Variants in ARHGAP8 observed in about 807,000 individuals in gnomAD.
The protein encoded by ARHGAP8 is rho GTPase-activating protein 8.
A neutral mutation model predicts 46.1 loss-of-function variants in ARHGAP8; 62 were observed. The observed-to-expected ratio is 1.34, with a 90% CI of 1.10 to 1.66. The LOEUF is 1.66. ARHGAP8 is among the 40% of genes most tolerant of loss of function. The pLI is 0.00. For synonymous variants in ARHGAP8, 375 were observed against 243.1 expected, an observed-to-expected ratio of 1.54 and a Z score of -5.05; for missense variants, 923 against 568.4, an observed-to-expected ratio of 1.62 and a Z score of -6.34.
Position 44,848,956 on chromosome 22 carries a change from A to G in ARHGAP8, c.773A>G (p.Tyr258Cys). ...GGGAAGCCCGTGAACTTTGACGACT[A>G]CGGGGACATTCACATCCCTGCCGTG... is the stretch of plus-strand genomic sequence containing the variant. Reference protein sequence around the residue: ...NQGKPVNFDDYGDIHIPAVIL... With the variant: ...NQGKPVNFDDCGDIHIPAVIL... Residue 258 changes from tyrosine (Y) to cysteine (C), a missense_variant, in exon 10 of 12, where the codon TAC becomes TGC. Coordinates refer to ENST00000356099, the MANE Select transcript of ARHGAP8 (RefSeq NM_181335.3). 1 of 1,614,074 alleles carries G rather than the reference A, an allele frequency of 6.2e-7. No homozygotes were observed. Among genetic ancestry groups the G allele is most frequent in the South Asian group, 1.1e-5 (1 of 91,078 alleles).
chr22:44,841,149 G>C (rs139419492), intron 7 of ARHGAP8, among the ~76,000 whole-genome samples: 1 of 152,224 alleles, frequency 6.6e-6, no homozygotes, highest in African/African-American at 2.4e-5. Context: ...GGGAACGGGG[G>C]AGGGAAGATG....
intron 4 of ARHGAP8, among the ~76,000 whole-genome samples, chr22:44,812,646 C>T (rs114850974): frequency 0.021 from 3,140 of 152,190 alleles, 108 homozygotes; most frequent in African/African-American, 0.072. Context: ...TGAGCCACCG[C>T]GCCCTGCCTC....
intron 10 of ARHGAP8, chr22:44,849,404 A>C: frequency 3.3e-6 from 1 of 306,682 alleles, no homozygotes; most frequent in Non-Finnish European, 6.2e-6. Context: ...CAGGCCCCAG[A>C]CCCTCAGCTC....
rs1929068870 is a variant in ARHGAP8 at position 44,808,222 on chromosome 22, C to T, written c.168-85C>T. On this transcript the variant is annotated intron_variant, in intron 3 of 11. Transcript: ENST00000356099. The stretch of plus-strand genomic sequence containing the variant: ...CCGGTGCTGGCACCTACTGGGTGAC[C>T]ATAGCTTCCATTATAGGGAAAGCAC... 4 of 1,547,156 alleles carry T rather than the reference C, an allele frequency of 2.6e-6. No individual in the cohort carries two copies. In the South Asian group the frequency reaches 5.0e-5, roughly 19 times the overall value.
In ARHGAP8 at chr22:44,843,305, A is replaced by G. The variant is rs899136891; in HGVS notation, c.597-1964A>G. On this transcript the variant is annotated intron_variant, in intron 7 of 11. Coordinates refer to ENST00000356099, the MANE Select transcript of ARHGAP8 (RefSeq NM_181335.3). The stretch of plus-strand genomic sequence containing the variant: ...AATGTATTTTCAGCAGAACTACACT[A>G]TAAGAAATGTTAAGGGAAGCTCTGC... Among the ~76,000 whole-genome samples, 8 of 152,354 alleles carry G rather than the reference A, an allele frequency of 5.3e-5. No homozygotes were observed. In the South Asian group the frequency reaches 8.3e-4, roughly 16 times the overall value.
intron 3 of ARHGAP8, among the ~76,000 whole-genome samples, chr22:44,806,120 A>G (rs1473775120): frequency 6.6e-6 from 1 of 152,204 alleles, no homozygotes; most frequent in Non-Finnish European, 1.5e-5. Context: ...TGCGAAATAC[A>G]AAAGTGGCTA....
At chr22:44,772,969 C>T (rs1018527982) in intron 1 of ARHGAP8, among the ~76,000 whole-genome samples, 4 of 152,076 alleles carry the variant, frequency 2.6e-5, no homozygotes, top group Non-Finnish European at 5.9e-5. Context: ...CAAGTGTGCA[C>T]TACCATGCCC....
rs771718778 is a variant in ARHGAP8, at chr22:44,808,335, G to A, written c.196G>A (p.Val66Ile). 1.9e-5 allele frequency: 31 copies of A among 1,614,094 alleles called. No individual in the cohort carries two copies. The East Asian group carries it at 3.8e-4, about 20-fold the overall frequency. ...EYLKYTLDQY[V>I]ENDYTIVYFH... ...TTTGAAGTACACACTGGACCAATAC[G>A]TTGAGAACGATTATACCATCGTCTA... Residue 66 changes from valine to isoleucine, a missense_variant, in exon 4 of 12, where the codon GTT (valine) becomes ATT (isoleucine). Val to Ile is a conservative substitution (Grantham distance 29, BLOSUM62 3). Transcript: ENST00000356099.
At chr22:44,758,137 G>A (rs1452704884) in intron 1 of ARHGAP8, among the ~76,000 whole-genome samples, 1 of 152,182 alleles carries the variant, frequency 6.6e-6, no homozygotes, top group African/African-American at 2.4e-5. Context: ...TGGCTAAAGA[G>A]TAACCAGATC....
intron 5 of ARHGAP8, among the ~76,000 whole-genome samples, chr22:44,821,241 C>T (rs1013982924): frequency 6.6e-6 from 1 of 152,050 alleles, no homozygotes; most frequent in African/African-American, 2.4e-5. Flanking sequence ...ACCATCCTGG[C>T]TAACATGTTG....
intron 1 of ARHGAP8, among the ~76,000 whole-genome samples, chr22:44,767,982 G>GTTTTTTT (rs1569134963): frequency 1.1e-4 from 8 of 69,752 alleles, no homozygotes; most frequent in Non-Finnish European, 1.7e-4. Context: ...CCCGCATGAT[G>GTTTTTTT]TCTTTTTTTT....
intron 7 of ARHGAP8, 56 bp from the exon 8 acceptor site, chr22:44,845,213 T>G (rs924537177): frequency 6.2e-7 from 1 of 1,609,006 alleles, no homozygotes; most frequent in Non-Finnish European, 8.5e-7. Context: ...CTCTTCTCAT[T>G]GTGATCACCC....
rs752806212 is a variant in ARHGAP8, at chr22:44,862,426, A to C, written c.1133A>C (p.Glu378Ala). 1.2e-6 allele frequency: 2 copies of C among 1,614,070 alleles called. No individual in the cohort carries two copies. The highest frequency in any genetic ancestry group is 2.2e-5 in the South Asian group (2 of 91,074). ...MFTELLIEYY[E>A]KIFSTPEAPG... Reference sequence around the variant, plus strand: ...ACTGAACTGCTGATCGAGTACTATGAAAAGATCTTCAGCACCCCGGAGGCA... The same window carrying C: ...ACTGAACTGCTGATCGAGTACTATGCAAAGATCTTCAGCACCCCGGAGGCA... Residue 378 changes from glutamate (E) to alanine (A), a missense_variant, in exon 12 of 12, where the codon GAA becomes GCA. Coordinates refer to ENST00000356099, the MANE Select transcript of ARHGAP8 (RefSeq NM_181335.3).
chr22:44,808,063 C>T (rs59559522), intron 3 of ARHGAP8, among the ~76,000 whole-genome samples: 15,143 of 152,204 alleles, frequency 0.099, 999 homozygotes, highest in African/African-American at 0.17. Context: ...TGTCTTTCCA[C>T]GGGCAACAAT....
chr22:44,781,780 C>T (rs1034905952), intron 1 of ARHGAP8, among the ~76,000 whole-genome samples: 4 of 152,168 alleles, frequency 2.6e-5, no homozygotes, highest in Non-Finnish European at 5.9e-5. Context: ...ATGCCTCAGC[C>T]ACCCGAAGTG....
intron 1 of ARHGAP8, among the ~76,000 whole-genome samples, chr22:44,782,768 C>G (rs1456891343): frequency 6.6e-6 from 1 of 152,204 alleles, no homozygotes. Context: ...AGTTGCCACC[C>G]TTTGGCTGTT....
At chr22:44,809,182 A>G (rs1929164089) in intron 4 of ARHGAP8, 1 of 470,982 alleles carries the variant, frequency 2.1e-6, no homozygotes, top group Non-Finnish European at 4.4e-6. Context: ...CTGTTGCTCT[A>G]TTGCAACAAC....
chr22:44,837,445 G>A (rs1348057880), intron 7 of ARHGAP8, among the ~76,000 whole-genome samples: 1 of 152,182 alleles, frequency 6.6e-6, no homozygotes, highest in Non-Finnish European at 1.5e-5. Context: ...TGCCCAGCAT[G>A]CATCTTGGAA....
intron 3 of ARHGAP8, among the ~76,000 whole-genome samples, chr22:44,802,377 G>T (rs1464180639): frequency 3.3e-5 from 5 of 152,208 alleles, no homozygotes; most frequent in Non-Finnish European, 5.9e-5. Flanking sequence ...CATTAGCACA[G>T]TGGGAGCCAG....
Sources: gnomAD v4.1 joint callset for allele counts (sites outside exome capture counted in the v4.1 genomes callset) on GRCh38, gnomAD v4.1.1 for gene constraint, MANE v1.5 for transcripts, NCBI Gene and HGNC (gene_info 2026-07-23, HGNC 2026-07-21) for gene names.